The following STAG1 variants were observed in gnomAD, a reference collection of about 807,000 sequenced individuals.
STAG1 encodes the protein cohesin subunit SA-1.
In STAG1, 26 loss-of-function variants were observed where a neutral mutation model predicts 170.9. The observed-to-expected ratio is 0.15, with a 90% CI of 0.11 to 0.21. The LOEUF (loss-of-function observed/expected upper bound fraction) is 0.21, where lower values mean the gene tolerates loss of function less well. Ranked by LOEUF, STAG1 falls within the 10% of genes least tolerant of loss-of-function variation. The pLI is 1.00. For missense variants in STAG1, 964 were observed against 1,509.5 expected (o/e 0.64, Z 5.99); for synonymous variants, 514 against 497.7 (o/e 1.03, Z -0.44).
chr3:136,549,536 G>C (rs1389630477), intron 5 of STAG1, among the ~76,000 whole-genome samples: 1 of 151,930 alleles, frequency 6.6e-6, no homozygotes, highest in African/African-American at 2.4e-5. Flanking sequence ...CCTGACCTCA[G>C]GTGATCTGCC....
At chr3:136,484,943 G>A (rs866818088) in intron 9 of STAG1, among the ~76,000 whole-genome samples, 188 of 152,096 alleles carry the variant, frequency 1.2e-3, no homozygotes, top group Admixed American at 2.6e-3. Flanking sequence ...GCTCGCGCAC[G>A]GTGCGCGCAC....
rs573955380 is a variant in STAG1 at position 136,656,422 on chromosome 3, T to C, written c.-83-25441A>G. ...ACTATACACTTAAAAATGGTTAAGATAGTAAATTTTAGGTTGTGTGTATTT... is the reference window on the plus strand; with the variant it reads ...ACTATACACTTAAAAATGGTTAAGACAGTAAATTTTAGGTTGTGTGTATTT... On this transcript the variant is annotated intron_variant, in intron 1 of 33. Coordinates refer to ENST00000383202, the MANE Select transcript of STAG1 (RefSeq NM_005862.3). Among the ~76,000 whole-genome samples, 7 of 147,456 alleles carry C rather than the reference T, an allele frequency of 4.7e-5. No individual in the cohort carries two copies. In the East Asian group the frequency reaches 1.2e-3, roughly 26 times the overall value.
chr3:136,545,565 A>G (rs1357865052), intron 5 of STAG1, among the ~76,000 whole-genome samples: 1 of 152,204 alleles, frequency 6.6e-6, no homozygotes, highest in Non-Finnish European at 1.5e-5. Flanking sequence ...GTTACCTAGT[A>G]ATGCAGTGAC....
At position 136,620,992 on chromosome 3, in the gene STAG1, G is replaced by C. The variant is rs191414203; in HGVS notation, c.132+2154C>G. Among the ~76,000 whole-genome samples the C allele has an allele frequency of 1.4e-3, 216 of 152,256 alleles. 1 individual carries two copies. Among genetic ancestry groups the C allele is most frequent in the African/African-American group, 4.8e-3 (201 of 41,562 alleles). ...AAATACAAAAAATTAGCTGGGTGTG[G>C]TGGCGCACGCCTGTAGTCCCAGCTA... is the stretch of plus-strand genomic sequence containing the variant. On this transcript the variant is annotated intron_variant, in intron 3 of 33. Coordinates refer to ENST00000383202, the MANE Select transcript of STAG1 (RefSeq NM_005862.3).
intron 16 of STAG1, among the ~76,000 whole-genome samples, chr3:136,433,324 TACGTAAGTACAATA>T (rs1010174286): frequency 1.3e-4 from 20 of 151,920 alleles, no homozygotes; most frequent in African/African-American, 4.6e-4. Context: ...ATATATAAAA[TACGTAAGTACAATA>T]ACAGAAGCAG....
intron 1 of STAG1, among the ~76,000 whole-genome samples, chr3:136,679,723 C>T (rs1395111911): frequency 4.3e-5 from 5 of 115,074 alleles, no homozygotes; most frequent in Non-Finnish European, 8.6e-5. Flanking sequence ...AGCAAGACTC[C>T]GTCTTAAAAA....
chr3:136,590,957 C>CA (rs1938133973), intron 4 of STAG1, among the ~76,000 whole-genome samples: 1 of 151,596 alleles, frequency 6.6e-6, no homozygotes. Flanking sequence ...CAGGACCCCC[C>CA]AGAAAAGCTG....
chr3:136,470,287 A>T (rs1217177032), intron 12 of STAG1, among the ~76,000 whole-genome samples: 2 of 152,220 alleles, frequency 1.3e-5, no homozygotes, highest in East Asian at 3.8e-4. Context: ...ACAAATTTAC[A>T]AGAGAAAAAC....
At chr3:136,506,539 G>C (rs1210782329) in intron 7 of STAG1, among the ~76,000 whole-genome samples, 1 of 150,216 alleles carries the variant, frequency 6.7e-6, no homozygotes, top group African/African-American at 2.5e-5. Context: ...CCAGCTACTC[G>C]GTAGGCTGAG....
chr3:136,528,161 C>T (rs1935161809), intron 6 of STAG1, among the ~76,000 whole-genome samples: 1 of 152,170 alleles, frequency 6.6e-6, no homozygotes, highest in African/African-American at 2.4e-5. Flanking sequence ...GCGTTTTGTT[C>T]AGCTATGCCC....
intron 28 of STAG1, among the ~76,000 whole-genome samples, chr3:136,350,391 G>C (rs1190077778): frequency 6.6e-6 from 1 of 152,124 alleles, no homozygotes; most frequent in African/African-American, 2.4e-5. Context: ...TGTTGTGTAA[G>C]TTCTATTCTG....
chr3:136,543,996 A>G (rs1210456400), intron 5 of STAG1, among the ~76,000 whole-genome samples: 1 of 152,154 alleles, frequency 6.6e-6, no homozygotes, highest in Non-Finnish European at 1.5e-5. Context: ...ACGTATGCAC[A>G]GATTCAAATA....
intron 1 of STAG1, among the ~76,000 whole-genome samples, chr3:136,671,241 G>A (rs1297238943): frequency 2.6e-5 from 4 of 151,672 alleles, no homozygotes; most frequent in South Asian, 2.1e-4. Flanking sequence ...CCAAGACTGC[G>A]CCACCATACT....
At chr3:136,449,343 C>T (rs1210922989) in intron 14 of STAG1, among the ~76,000 whole-genome samples, 4 of 152,086 alleles carry the variant, frequency 2.6e-5, no homozygotes, top group African/African-American at 9.7e-5. Context: ...GGTGGACCAC[C>T]TGAGGTTAGG....
intron 7 of STAG1, among the ~76,000 whole-genome samples, chr3:136,509,991 C>G (rs1933965236): frequency 6.6e-6 from 1 of 152,128 alleles, no homozygotes; most frequent in African/African-American, 2.4e-5. Context: ...GATCTTATGA[C>G]AAACTACCAG....
intron 9 of STAG1, among the ~76,000 whole-genome samples, chr3:136,486,351 T>A (rs1168525520): frequency 6.6e-6 from 1 of 152,198 alleles, no homozygotes; most frequent in African/African-American, 2.4e-5. Context: ...AAAATTTCCA[T>A]CTCTGAGCTA....
chr3:136,372,457 T>C (rs1376871782), intron 23 of STAG1, among the ~76,000 whole-genome samples: 2 of 152,134 alleles, frequency 1.3e-5, no homozygotes, highest in East Asian at 3.9e-4. Context: ...CCAGTTTTTG[T>C]CCATCCAGTA....
At chr3:136,466,565 T>C (rs998953609) in intron 12 of STAG1, among the ~76,000 whole-genome samples, 2 of 152,148 alleles carry the variant, frequency 1.3e-5, no homozygotes, top group African/African-American at 4.8e-5. Context: ...TGGAAACAAG[T>C]TGGAAAACAC....
At chr3:136,726,831 A>C (rs1312776857) in intron 1 of STAG1, among the ~76,000 whole-genome samples, 1 of 152,126 alleles carries the variant, frequency 6.6e-6, no homozygotes, top group Non-Finnish European at 1.5e-5. Flanking sequence ...CACCCTACAT[A>C]ATCCAGACTC....
Sources: gnomAD v4.1 joint callset for allele counts (sites outside exome capture counted in the v4.1 genomes callset) on GRCh38, gnomAD v4.1.1 for gene constraint, MANE v1.5 for transcripts, NCBI Gene and HGNC (gene_info 2026-07-23, HGNC 2026-07-21) for gene names.